Variants in HIVEP3 observed in about 807,000 individuals in gnomAD.
HIVEP3 encodes transcription factor HIVEP3.
Under a neutral mutation model 152.8 loss-of-function variants are expected in HIVEP3, and 49 were observed. The observed-to-expected ratio is 0.32, with a 90% CI of 0.26 to 0.41. HIVEP3 has a LOEUF of 0.41. Among genes scored for constraint, HIVEP3 ranks in the 10% least tolerant of loss-of-function variants. The pLI is 1.00. For missense variants in HIVEP3, 2,790 were observed against 3,103.3 expected (o/e 0.90, Z 2.40); for synonymous variants, 1,269 against 1,289.0 (o/e 0.98, Z 0.33).
intron 3 of HIVEP3, among the ~76,000 whole-genome samples, chr1:41,624,779 T>C (rs1456814142): frequency 1.3e-5 from 2 of 152,318 alleles, no homozygotes; most frequent in East Asian, 1.9e-4. Flanking sequence ...CCTCCCCAAA[T>C]GCCCAGATAA....
At chr1:41,650,508 T>C (rs139685828) in intron 2 of HIVEP3, among the ~76,000 whole-genome samples, 2 of 152,110 alleles carry the variant, frequency 1.3e-5, no homozygotes, top group East Asian at 1.9e-4. Context: ...AATCCTGTAA[T>C]GTAAAGAGTC....
intron 1 of HIVEP3, among the ~76,000 whole-genome samples, chr1:41,947,227 T>C (rs1354984136): frequency 1.3e-5 from 2 of 152,238 alleles, no homozygotes; most frequent in South Asian, 2.1e-4. Context: ...CTTCGGTATG[T>C]GGATGATTTA....
intron 1 of HIVEP3, among the ~76,000 whole-genome samples, chr1:41,799,295 C>G (rs1191721440): frequency 6.6e-6 from 1 of 152,190 alleles, no homozygotes; most frequent in Non-Finnish European, 1.5e-5. Flanking sequence ...TCCCCAGGAT[C>G]ATTTTTCACC....
intron 5 of HIVEP3, among the ~76,000 whole-genome samples, chr1:41,539,877 G>C (rs1023722323): frequency 2.0e-5 from 3 of 152,246 alleles, no homozygotes; most frequent in Non-Finnish European, 4.4e-5. Flanking sequence ...GTTAAGTGCT[G>C]ACTCTGTAGT....
chr1:41,991,290 A>C (rs1257484873), intron 1 of HIVEP3, among the ~76,000 whole-genome samples: 1 of 151,984 alleles, frequency 6.6e-6, no homozygotes, highest in African/African-American at 2.4e-5. Context: ...AATCAAATAG[A>C]TGCAATAAAA....
At position 41,975,017 on chromosome 1, in the gene HIVEP3, C is replaced by T. The variant is rs576392034; in HGVS notation, n.120-56493G>A. Among the ~76,000 whole-genome samples, 4 of 152,300 alleles carry T rather than the reference C, an allele frequency of 2.6e-5. No homozygotes were observed. In the East Asian group the frequency reaches 7.7e-4, roughly 29 times the overall value. ...ATTGCTCCAGACTGAAAGGAGCTAG[C>T]TTCCCAAGGGCCACATCCCTTCCTG... On this transcript the variant is annotated intron_variant and non_coding_transcript_variant, in intron 1 of 3. Coordinates refer to the HIVEP3 transcript ENST00000489103.
intron 3 of HIVEP3, among the ~76,000 whole-genome samples, chr1:41,601,250 T>A (rs1352620254): frequency 6.6e-6 from 1 of 152,202 alleles, no homozygotes; most frequent in South Asian, 2.1e-4. Context: ...TGTGGTTCCA[T>A]ATAAATCACA....
In HIVEP3 at chr1:41,943,231, G is replaced by C. The variant is rs1645057009; in HGVS notation, n.120-24707C>G. On this transcript the variant is annotated intron_variant and non_coding_transcript_variant, in intron 1 of 3. Transcript: ENST00000489103. ...ACATATTTGCTTATATTCTCAAAAA[G>C]AAGAAATGGAAAGATAAACCAAAAA... Among the ~76,000 whole-genome samples, 2 of 152,112 alleles carry C rather than the reference G, an allele frequency of 1.3e-5. 1 individual carries two copies. The highest frequency in any genetic ancestry group is 3.8e-4 in the East Asian group (2 of 5,196).
chr1:41,923,034 G>A (rs1171450352), upstream of HIVEP3, among the ~76,000 whole-genome samples: 2 of 152,082 alleles, frequency 1.3e-5, no homozygotes, highest in Non-Finnish European at 2.9e-5. Flanking sequence ...AATAATAAAG[G>A]AGGACAATTC....
chr1:41,800,643 T>C (rs1650247297), intron 1 of HIVEP3, among the ~76,000 whole-genome samples: 1 of 152,138 alleles, frequency 6.6e-6, no homozygotes, highest in Admixed American at 6.5e-5. Flanking sequence ...AAGCCAGCAA[T>C]AGATAATGAA....
chr1:41,826,285 G>A (rs1025898773), intron 1 of HIVEP3, among the ~76,000 whole-genome samples: 3 of 152,202 alleles, frequency 2.0e-5, no homozygotes, highest in Non-Finnish European at 2.9e-5. Context: ...GGGAGAGGCT[G>A]AGTGAGGAAT....
upstream of HIVEP3, among the ~76,000 whole-genome samples, chr1:41,921,134 A>G (rs1416303342): frequency 6.6e-6 from 1 of 152,210 alleles, no homozygotes; most frequent in African/African-American, 2.4e-5. Flanking sequence ...TTCACTGGCA[A>G]TGCTGGGAAC....
intron 1 of HIVEP3, among the ~76,000 whole-genome samples, chr1:41,899,266 G>A (rs1644581428): frequency 6.6e-6 from 1 of 152,218 alleles, no homozygotes; most frequent in Non-Finnish European, 1.5e-5. Context: ...ATCTCTAGGT[G>A]TTTTCAGTGT....
chr1:41,953,289 G>C (rs1255848806), intron 1 of HIVEP3, among the ~76,000 whole-genome samples: 2 of 152,202 alleles, frequency 1.3e-5, no homozygotes, highest in Non-Finnish European at 2.9e-5. Flanking sequence ...ACTGACTCTG[G>C]AGTCAGACTG....
chr1:42,016,573 G>T (rs1326019793), intron 1 of HIVEP3, among the ~76,000 whole-genome samples: 1 of 151,192 alleles, frequency 6.6e-6, no homozygotes, highest in Non-Finnish European at 1.5e-5. Flanking sequence ...AAATATTTTT[G>T]ACTATATGTG....
intron 1 of HIVEP3, among the ~76,000 whole-genome samples, chr1:41,908,250 C>T (rs1297371375): frequency 2.0e-5 from 3 of 151,818 alleles, no homozygotes; most frequent in Admixed American, 6.6e-5. Context: ...AACTGAAAAT[C>T]GGCCAAAAAT....
At chr1:41,668,807 T>C (rs932139769) in intron 2 of HIVEP3, among the ~76,000 whole-genome samples, 9 of 152,256 alleles carry the variant, frequency 5.9e-5, no homozygotes, top group African/African-American at 1.7e-4. Flanking sequence ...TAGCTTTGTA[T>C]ATACCATCAA....
At chr1:41,667,106 A>G (rs1247857431) in intron 2 of HIVEP3, among the ~76,000 whole-genome samples, 5 of 152,174 alleles carry the variant, frequency 3.3e-5, no homozygotes, top group Non-Finnish European at 7.4e-5. Context: ...AGCACTTGAT[A>G]CAGACTGTCC....
intron 1 of HIVEP3, among the ~76,000 whole-genome samples, chr1:42,015,953 A>G (rs1455360256): frequency 6.6e-6 from 1 of 152,206 alleles, no homozygotes; most frequent in East Asian, 1.9e-4. Flanking sequence ...AGTCTTTAGG[A>G]AAAACATCAA....
Sources: gnomAD v4.1 joint callset for allele counts (sites outside exome capture counted in the v4.1 genomes callset) on GRCh38, gnomAD v4.1.1 for gene constraint, MANE v1.5 for transcripts, NCBI Gene and HGNC (gene_info 2026-07-23, HGNC 2026-07-21) for gene names.